The following CABIN1 variants were observed in gnomAD, a reference collection of about 807,000 sequenced individuals.
CABIN1 encodes the protein calcineurin-binding protein cabin-1.
A neutral mutation model predicts 227.7 loss-of-function variants in CABIN1; 133 were observed. The observed-to-expected ratio is 0.58, with a 90% CI of 0.51 to 0.67. CABIN1 has a LOEUF of 0.67. CABIN1 is among the 30% of genes least tolerant of loss of function. The probability of loss-of-function intolerance (pLI) is 0.00; values close to 1 mark genes in which losing one functional copy is unlikely to be tolerated. For missense variants in CABIN1, 2,408 were observed against 2,852.5 expected, an observed-to-expected ratio of 0.84 and a Z score of 3.55; for synonymous variants, 1,086 against 1,155.1, an observed-to-expected ratio of 0.94 and a Z score of 1.21.
At chr22:24,098,257 A>G in intron 26 of CABIN1, 65 bp downstream of exon 26, 1 of 1,587,988 alleles carries the variant, frequency 6.3e-7, no homozygotes, top group Non-Finnish European at 8.6e-7. Context: ...GGGTGCTCGG[A>G]CGACTCATTT....
chr22:24,083,167 TG>T, intron 19 of CABIN1, 60 bp from the exon 20 acceptor site: 1 of 1,549,198 alleles, frequency 6.5e-7, no homozygotes, highest in Non-Finnish European at 8.9e-7. Flanking sequence ...GGGGCCCTGC[TG>T]TGACAGGGAG....
chr22:24,169,118 G>A (rs1031475005), intron 33 of CABIN1, among the ~76,000 whole-genome samples: 2 of 152,198 alleles, frequency 1.3e-5, no homozygotes, highest in East Asian at 3.9e-4. Flanking sequence ...GAGTTGGGGA[G>A]GCCCCTCCTG....
intron 29 of CABIN1, among the ~76,000 whole-genome samples, chr22:24,154,037 AG>A (rs1206344090): frequency 1.3e-5 from 2 of 152,156 alleles, no homozygotes; most frequent in African/African-American, 4.8e-5. Flanking sequence ...TTCTGTGGGA[AG>A]GCATGCGCGC....
chr22:24,090,181 G>T (rs1052101204), intron 23 of CABIN1, among the ~76,000 whole-genome samples: 16 of 152,334 alleles, frequency 1.1e-4, no homozygotes, highest in Non-Finnish European at 1.8e-4. Flanking sequence ...TGGGGGCTTA[G>T]CCTCTTCCCA....
At position 24,133,921 on chromosome 22, in the gene CABIN1, C is replaced by T. The variant is rs189788183; in HGVS notation, c.4633-381C>T. 1.5e-3 allele frequency among the ~76,000 whole-genome samples: 228 copies of T among 152,334 alleles called. 1 individual carries two copies. Among genetic ancestry groups the T allele is most frequent in the Middle Eastern group, 3.4e-3 (1 of 294 alleles). The stretch of plus-strand genomic sequence containing the variant: ...TGTACCACTGGCCGTGAATAAGGAA[C>T]GCTACTGATTCCTGACAAATAAGTC... On this transcript the variant is annotated intron_variant, in intron 28 of 36. Transcript: ENST00000263119.
Position 24,099,549 on chromosome 22 carries a change from C to G in CABIN1, c.4117+1357C>G, listed in dbSNP as rs533279147. Among the ~76,000 whole-genome samples, 4 of 152,218 alleles carry G rather than the reference C, an allele frequency of 2.6e-5. No individual in the cohort carries two copies. The South Asian group carries it at 8.3e-4, about 32-fold the overall frequency. Reference sequence around the variant, plus strand: ...GAACTGACCCACCTGCTCCTCCAATCTTCAGTTCTGCAGACTTTCCCTGTT... The same window carrying G: ...GAACTGACCCACCTGCTCCTCCAATGTTCAGTTCTGCAGACTTTCCCTGTT... On this transcript the variant is annotated intron_variant, in intron 26 of 36. Transcript: ENST00000263119.
chr22:24,176,437 G>GC (rs1186404222), intron 35 of CABIN1, among the ~76,000 whole-genome samples, 162 bp downstream of exon 35: 3 of 152,198 alleles, frequency 2.0e-5, no homozygotes, highest in African/African-American at 7.2e-5. Flanking sequence ...GGACAGGGGA[G>GC]CCAAGGGAGA....
chr22:24,153,393 G>A (rs1419213586), intron 29 of CABIN1, among the ~76,000 whole-genome samples: 2 of 152,122 alleles, frequency 1.3e-5, no homozygotes, highest in Non-Finnish European at 2.9e-5. Flanking sequence ...GGTGCTTTGT[G>A]GGTAATTAGG....
intron 29 of CABIN1, among the ~76,000 whole-genome samples, chr22:24,163,658 TCCCTGCTTTCCCCACA>T (rs1007527889): frequency 1.3e-5 from 2 of 152,060 alleles, no homozygotes; most frequent in Non-Finnish European, 2.9e-5. Flanking sequence ...CATCACTCAC[TCCCTGCTTTCCCCACA>T]CCCTGCCTGG....
At chr22:24,057,932 A>G (rs1009118321) in intron 10 of CABIN1, among the ~76,000 whole-genome samples, 2 of 152,112 alleles carry the variant, frequency 1.3e-5, no homozygotes, top group Non-Finnish European at 2.9e-5. Flanking sequence ...TTTTACTCCA[A>G]GGTCTTGTTC....
In CABIN1 at chr22:24,070,816, T is replaced by C; in HGVS notation, c.2249T>C (p.Leu750Pro). The C allele has an allele frequency of 6.2e-7, 1 of 1,614,254 alleles. No homozygotes were observed. The highest frequency in any genetic ancestry group is 8.5e-7 in the Non-Finnish European group (1 of 1,180,044). ...LLLLQDSLLR[L>P]KDYRQCFECS... ...CTGTACTAGGACTCCTTGCTCCGGC[T>C]GAAGGACTATCGGCAGTGTTTTGAG... Residue 750 changes from leucine (L) to proline (P), a missense_variant, in exon 17 of 37, where the codon CTG becomes CCG. This residue lies in a region of CABIN1 where 1,045 missense variants were observed against 1,168.4 expected (regional missense o/e 0.89). Coordinates refer to ENST00000263119, the MANE Select transcript of CABIN1 (RefSeq NM_012295.4).
chr22:24,152,843 G>T (rs776565929), intron 29 of CABIN1, among the ~76,000 whole-genome samples: 1 of 152,100 alleles, frequency 6.6e-6, no homozygotes, highest in Non-Finnish European at 1.5e-5. Flanking sequence ...CCAGCAACTT[G>T]GGCGGCTGAG....
At chr22:24,079,537 T>G (rs187506862) in intron 19 of CABIN1, among the ~76,000 whole-genome samples, 17 of 152,340 alleles carry the variant, frequency 1.1e-4, no homozygotes, top group Admixed American at 1.1e-3. Context: ...TGGGAATTCC[T>G]GCACATCTGT....
At chr22:24,163,711 C>A (rs941469211) in intron 29 of CABIN1, among the ~76,000 whole-genome samples, 1 of 152,210 alleles carries the variant, frequency 6.6e-6, no homozygotes, top group Admixed American at 6.5e-5. Context: ...AGATGCCATG[C>A]TGGTCACTAG....
chr22:24,171,093 C>T (rs906975178), intron 33 of CABIN1, among the ~76,000 whole-genome samples: 1 of 152,196 alleles, frequency 6.6e-6, no homozygotes, highest in African/African-American at 2.4e-5. Flanking sequence ...GATGAAGACT[C>T]GGAGGCCCCT....
intron 19 of CABIN1, among the ~76,000 whole-genome samples, chr22:24,078,467 C>G (rs939403317): frequency 6.6e-6 from 1 of 152,182 alleles, no homozygotes; most frequent in East Asian, 1.9e-4. Context: ...AAAAGGATTC[C>G]ATCTTGAGAG....
intron 26 of CABIN1, 83 bp from the exon 27 acceptor site, chr22:24,113,483 G>A (rs2042915570): frequency 6.1e-6 from 8 of 1,301,900 alleles, no homozygotes; most frequent in Non-Finnish European, 8.9e-6. Context: ...CCACCGGCAG[G>A]GAGACTCACC....
chr22:24,112,148 T>G (rs971179313), intron 26 of CABIN1, among the ~76,000 whole-genome samples: 27 of 149,576 alleles, frequency 1.8e-4, no homozygotes, highest in African/African-American at 6.5e-4. Flanking sequence ...TGTACTTTTT[T>G]CTTTCTTTCT....
At chr22:24,022,701 A>G (rs551397964) in intron 1 of CABIN1, among the ~76,000 whole-genome samples, 28 of 152,338 alleles carry the variant, frequency 1.8e-4, no homozygotes, top group African/African-American at 6.7e-4. Context: ...CATTCCTATC[A>G]GCAGTGTATG....
Sources: gnomAD v4.1 joint callset for allele counts (sites outside exome capture counted in the v4.1 genomes callset) on GRCh38, gnomAD v4.1.1 for gene constraint, gnomAD v4.1.1 regional missense constraint, MANE v1.5 for transcripts, NCBI Gene and HGNC (gene_info 2026-07-23, HGNC 2026-07-21) for gene names.